The following PDLIM2 variants were observed in gnomAD, a reference collection of about 807,000 sequenced individuals.
PDLIM2 encodes the protein PDZ and LIM domain protein 2.
In PDLIM2, 51 loss-of-function variants were observed where a neutral mutation model predicts 54.1. The ratio of observed to expected loss-of-function variants is 0.94; its 90% CI spans 0.75 to 1.19. The LOEUF is 1.19. Among genes scored for constraint, PDLIM2 ranks in the 50% most tolerant of loss-of-function variants. The pLI is 0.00. For synonymous variants in PDLIM2, 398 were observed against 385.6 expected (o/e 1.03, Z -0.38); for missense variants, 912 against 874.0 (o/e 1.04, Z -0.55).
At chr8:22,593,491 C>T (rs886892589) in intron 9 of PDLIM2, 6 of 493,212 alleles carry the variant, frequency 1.2e-5, no homozygotes, top group Admixed American at 7.4e-5. Context: ...GCAGGAGTAT[C>T]GCTTGAACCC....
exon 1 of PDLIM2, chr8:22,578,803 G>T (rs1800105647): frequency 1.6e-6 from 2 of 1,234,204 alleles, no homozygotes; most frequent in Non-Finnish European, 2.0e-6. Flanking sequence ...GAGCGCGGCC[G>T]GCGTGGGAGA....
At chr8:22,594,308 C>T, downstream of PDLIM2, 1 of 1,413,198 alleles carries the variant, frequency 7.1e-7, no homozygotes, top group Non-Finnish European at 9.2e-7. Flanking sequence ...AGTAGATGTC[C>T]CTTCCTTCTT....
Position 22,587,835 on chromosome 8 carries a change from G to A in PDLIM2, c.1291-1463G>A, listed in dbSNP as rs140344942. ...GTGGCCTCCTGACATGGCCAAGGCT[G>A]CAGAGAGCTGGAGGCTCAGGATGCC... is the stretch of plus-strand genomic sequence containing the variant. On this transcript the variant is annotated intron_variant, in intron 6 of 9. Coordinates refer to ENST00000308354, the Ensembl canonical transcript of PDLIM2. 263 of 152,562 alleles carry A rather than the reference G, an allele frequency of 1.7e-3. 1 individual carries two copies. The highest frequency in any genetic ancestry group is 6.0e-3 in the African/African-American group (251 of 41,594). The allele number at this position is 152,562 out of a possible 1,614,324, so 9.5% of individuals were successfully genotyped here.
At position 22,584,898 on chromosome 8, in the gene PDLIM2, G is replaced by C. The variant is rs762738910; in HGVS notation, c.1065+8G>C. 6.2e-7 allele frequency: 1 copy of C among 1,614,080 alleles called. No homozygotes were observed. The highest frequency in any genetic ancestry group is 1.7e-5 in the Admixed American group (1 of 60,028). ...CTGGCGACTCGCTTCCAGGTAAGCT[G>C]GTGCCCTCCCCTGACAGCCTCAGCA... On this transcript the variant is annotated splice_region_variant and intron_variant, in intron 4 of 9. Coordinates refer to ENST00000308354, the Ensembl canonical transcript of PDLIM2.
chr8:22,580,762 C>T (rs534522087), intron 2 of PDLIM2, 65 bp downstream of exon 1: 5 of 1,497,824 alleles, frequency 3.3e-6, no homozygotes, highest in Admixed American at 3.5e-5. Context: ...CTGTTCACCC[C>T]ACTCTGCACA....
intron 3 of PDLIM2, among the ~76,000 whole-genome samples, chr8:22,584,148 T>C (rs1800297345): frequency 6.6e-6 from 1 of 151,314 alleles, no homozygotes; most frequent in Non-Finnish European, 1.5e-5. Context: ...GTTACAGGCA[T>C]GCGTCACTAT....
intron 6 of PDLIM2, 188 bp from the exon 6 acceptor site, chr8:22,589,110 G>A (rs563802249): frequency 2.0e-6 from 1 of 505,996 alleles, no homozygotes; most frequent in Admixed American, 3.4e-5. Flanking sequence ...GGGGCAGGGG[G>A]CCCGCTGGTC....
chr8:22,583,441 T>C (rs1018297782), intron 3 of PDLIM2, among the ~76,000 whole-genome samples: 2 of 152,092 alleles, frequency 1.3e-5, no homozygotes, highest in Admixed American at 1.3e-4. Flanking sequence ...AGTTTCTCCA[T>C]GGGTTAAAAT....
intron 3 of PDLIM2, among the ~76,000 whole-genome samples, 191 bp downstream of exon 2, chr8:22,581,721 T>A (rs906517016): frequency 3.3e-5 from 5 of 152,220 alleles, no homozygotes; most frequent in Non-Finnish European, 7.3e-5. Flanking sequence ...GGTGTTCCCA[T>A]GCCTGGTTGG....
downstream of PDLIM2, chr8:22,595,825 T>G: frequency 6.6e-6 from 1 of 152,388 alleles, no homozygotes; most frequent in East Asian, 1.9e-4. Context: ...GGTCTTGCTC[T>G]ATTGCCCAGG....
At chr8:22,596,448 G>A (rs1390843533), downstream of PDLIM2, 4 of 152,206 alleles carry the variant, frequency 2.6e-5, no homozygotes, top group East Asian at 1.9e-4. Context: ...CTGGAAGAAC[G>A]GAGTTATGAG....
exon 5 of PDLIM2, chr8:22,585,097 C>G (rs183563945): frequency 1.9e-6 from 3 of 1,613,966 alleles, no homozygotes; most frequent in Non-Finnish European, 8.5e-7. Flanking sequence ...GCCCGAGGGC[C>G]GGCAGCCCCT....
At chr8:22,584,701 C>T in intron 3 of PDLIM2, 120 bp from the exon 3 acceptor site, 1 of 897,390 alleles carries the variant, frequency 1.1e-6, no homozygotes, top group Non-Finnish European at 1.7e-6. Context: ...AACCGGATGT[C>T]CAAATTTTCT....
downstream of PDLIM2, chr8:22,597,154 A>AG (rs1800698787): frequency 6.6e-6 from 1 of 152,250 alleles, no homozygotes; most frequent in Non-Finnish European, 1.5e-5. Context: ...TGGGAAGTGC[A>AG]GGGGCCACTG....
chr8:22,593,350 GTGGA>G (rs1311934687), intron 9 of PDLIM2: 1 of 177,662 alleles, frequency 5.6e-6, no homozygotes, highest in Non-Finnish European at 1.2e-5. Context: ...GCCAAGGAGG[GTGGA>G]TTACCTGAGG....
chr8:22,591,787 C>T (rs898667909), intron 9 of PDLIM2, 119 bp downstream of exon 8: 13 of 908,028 alleles, frequency 1.4e-5, no homozygotes, highest in South Asian at 3.5e-5. Context: ...GGTACCCAGT[C>T]GGGGACTCTA....
intron 9 of PDLIM2, chr8:22,593,515 T>C: frequency 1.9e-6 from 1 of 526,804 alleles, no homozygotes; most frequent in Non-Finnish European, 3.3e-6. Context: ...AGGTAGAGAT[T>C]GCTGTGAGCT....
intron 6 of PDLIM2, 83 bp from the exon 6 acceptor site, chr8:22,589,215 G>A: frequency 6.9e-7 from 1 of 1,453,940 alleles, no homozygotes; most frequent in Non-Finnish European, 9.3e-7. Flanking sequence ...TGTCGGGCCT[G>A]GGAACAGCCG....
exon 1 of PDLIM2, chr8:22,579,176 C>T: frequency 7.3e-7 from 1 of 1,365,596 alleles, no homozygotes; most frequent in Non-Finnish European, 9.4e-7. Context: ...CCCCGCCTTC[C>T]CTCCCTCCCG....
Sources: allele counts gnomAD v4.1 joint callset (sites outside exome capture counted in the v4.1 genomes callset), GRCh38; gene constraint gnomAD v4.1.1; transcripts MANE v1.5; gene names NCBI Gene and HGNC (gene_info 2026-07-23, HGNC 2026-07-21).